APBA2: variants seen among roughly 807,000 people sequenced by gnomAD.
APBA2 encodes the protein amyloid-beta A4 precursor protein-binding family A member 2.
APBA2 carries 30 observed loss-of-function variants against 75.0 expected under a neutral mutation model. The ratio of observed to expected loss-of-function variants is 0.40; its 90% CI spans 0.30 to 0.54. The LOEUF (loss-of-function observed/expected upper bound fraction) is 0.54. Ranked by LOEUF, APBA2 falls within the 20% of genes least tolerant of loss-of-function variation. The pLI is 0.49. For missense variants in APBA2, 801 were observed against 1,016.1 expected, an observed-to-expected ratio of 0.79 and a Z score of 2.88; for synonymous variants, 444 against 409.6, an observed-to-expected ratio of 1.08 and a Z score of -1.01.
At chr15:29,113,814 G>A (rs1361058206) in intron 13 of APBA2, 62 bp from the exon 14 acceptor site, 2 of 1,591,350 alleles carry the variant, frequency 1.3e-6, no homozygotes, top group East Asian at 2.3e-5. Context: ...CTTTGGGGAC[G>A]TGGTGGAGCG....
chr15:29,047,947 C>T (rs1369905507), intron 3 of APBA2, among the ~76,000 whole-genome samples: 1 of 152,030 alleles, frequency 6.6e-6, no homozygotes, highest in Non-Finnish European at 1.5e-5. Context: ...GAGATGTCTA[C>T]AGCTATAAAG....
intron 3 of APBA2, among the ~76,000 whole-genome samples, chr15:29,052,275 G>A (rs2041630807): frequency 6.6e-6 from 1 of 151,908 alleles, no homozygotes; most frequent in African/African-American, 2.4e-5. Context: ...CTAACACGGT[G>A]AAACCCCGTC....
chr15:28,983,464 G>A (rs1595641950), intron 2 of APBA2, among the ~76,000 whole-genome samples: 1 of 152,166 alleles, frequency 6.6e-6, no homozygotes, highest in Admixed American at 6.5e-5. Flanking sequence ...TTTCTTTTCA[G>A]CATTTGCCAA....
chr15:28,986,667 A>G (rs984892803), intron 2 of APBA2, among the ~76,000 whole-genome samples: 8 of 152,094 alleles, frequency 5.3e-5, no homozygotes, highest in Admixed American at 6.6e-5. Context: ...GGGTTTCACC[A>G]TGTTGGCCAG....
At chr15:29,055,227 G>A (rs561837015) in intron 4 of APBA2, among the ~76,000 whole-genome samples, 19 of 152,178 alleles carry the variant, frequency 1.2e-4, no homozygotes, top group African/African-American at 4.1e-4. Context: ...TGGCAAAGAC[G>A]TGGGGGTGCT....
intron 2 of APBA2, among the ~76,000 whole-genome samples, chr15:28,989,346 A>T (rs1416570136): frequency 1.3e-5 from 2 of 152,064 alleles, no homozygotes; most frequent in Non-Finnish European, 2.9e-5. Context: ...GCAAAATGGG[A>T]TGATGGCTCC....
At chr15:29,113,542 G>A (rs954002053) in intron 13 of APBA2, among the ~76,000 whole-genome samples, 6 of 152,074 alleles carry the variant, frequency 3.9e-5, no homozygotes, top group Admixed American at 3.3e-4. Flanking sequence ...AGGCTGTGCC[G>A]TAGGAGGCCA....
intron 1 of APBA2, among the ~76,000 whole-genome samples, chr15:28,906,087 T>G (rs1483634107): frequency 2.0e-5 from 3 of 152,188 alleles, no homozygotes; most frequent in Non-Finnish European, 4.4e-5. Context: ...AAAGTATTTT[T>G]CAACAAAATG....
chr15:28,923,997 G>A (rs148258849), intron 2 of APBA2, among the ~76,000 whole-genome samples: 1 of 152,204 alleles, frequency 6.6e-6, no homozygotes, highest in Non-Finnish European at 1.5e-5. Flanking sequence ...ATGCAGAAAG[G>A]CTGTGACCCC....
At chr15:29,060,138 A>T (rs2042069446) in intron 4 of APBA2, among the ~76,000 whole-genome samples, 1 of 152,214 alleles carries the variant, frequency 6.6e-6, no homozygotes, top group Non-Finnish European at 1.5e-5. Flanking sequence ...TTGTGTTATC[A>T]TCAGGACCCT....
At chr15:29,101,423 GGTTTCAC>G (rs2044116832) in intron 9 of APBA2, among the ~76,000 whole-genome samples, 169 bp from the exon 10 acceptor site, 2 of 152,022 alleles carry the variant, frequency 1.3e-5, no homozygotes, top group South Asian at 4.2e-4. Flanking sequence ...GTAGAGATGG[GGTTTCAC>G]CATGTTTGCC....
chr15:29,007,995 G>A (rs2039212874), intron 3 of APBA2, among the ~76,000 whole-genome samples: 1 of 152,192 alleles, frequency 6.6e-6, no homozygotes, highest in African/African-American at 2.4e-5. Context: ...ATTGGCAGAT[G>A]AATGGATCAA....
rs768858056 is a variant in APBA2 at position 29,117,169 on chromosome 15, G to C, written c.*36G>C. ...CCTGGCCACGCAGCCAGGACACCGGGCAGGGCCGCCCGGGCCCAGAGGAGC... is the reference window on the plus strand; with the variant it reads ...CCTGGCCACGCAGCCAGGACACCGGCCAGGGCCGCCCGGGCCCAGAGGAGC... On this transcript the variant is annotated 3_prime_UTR_variant, in exon 15 of 15. Transcript: ENST00000683413. 2 of 1,605,830 alleles carry C rather than the reference G, an allele frequency of 1.2e-6. No homozygotes were observed. The highest frequency in any genetic ancestry group is 1.1e-5 in the South Asian group (1 of 90,944).
intron 2 of APBA2, among the ~76,000 whole-genome samples, chr15:28,964,806 A>T (rs1167098279): frequency 1.3e-5 from 2 of 151,224 alleles, no homozygotes; most frequent in Admixed American, 1.3e-4. Context: ...CTCATTTTCT[A>T]ATTAGATTTT....
intron 3 of APBA2, among the ~76,000 whole-genome samples, chr15:29,024,321 G>T (rs752881435): frequency 3.3e-5 from 5 of 152,180 alleles, no homozygotes; most frequent in Non-Finnish European, 5.9e-5. Context: ...CATAGTAACA[G>T]CATTCACAGT....
At chr15:29,008,118 T>C (rs185641756) in intron 3 of APBA2, among the ~76,000 whole-genome samples, 39 of 152,312 alleles carry the variant, frequency 2.6e-4, no homozygotes, top group Admixed American at 2.3e-3. Flanking sequence ...TTATGCTAAA[T>C]GAAGGAAGCC....
Position 29,088,449 on chromosome 15 carries a change from C to A in APBA2, c.1070-4626C>A, listed in dbSNP as rs185230981. Among the ~76,000 whole-genome samples, 1,117 of 152,302 alleles carry A rather than the reference C, an allele frequency of 7.3e-3. 11 individuals are homozygous for A. The highest frequency in any genetic ancestry group is 0.017 in the Admixed American group (257 of 15,302). ...AACCCAAGCTCAGTCCTCTTCCAGG[C>A]ACCCTTTCTCAGTGAGGGGCAGGTC... On this transcript the variant is annotated intron_variant, in intron 6 of 14. Transcript: ENST00000683413.
intron 1 of APBA2, among the ~76,000 whole-genome samples, chr15:28,909,699 C>A (rs1020094534): frequency 6.6e-6 from 1 of 152,180 alleles, no homozygotes; most frequent in African/African-American, 2.4e-5. Flanking sequence ...GGAGCAGGAG[C>A]CAGTTCCTGC....
At chr15:29,092,518 T>C (rs2043626395) in intron 6 of APBA2, among the ~76,000 whole-genome samples, 1 of 152,096 alleles carries the variant, frequency 6.6e-6, no homozygotes, top group Non-Finnish European at 1.5e-5. Context: ...GCAGGAAGTT[T>C]GTTGGGTCAC....
Sources: allele counts gnomAD v4.1 joint callset (sites outside exome capture counted in the v4.1 genomes callset), GRCh38; gene constraint gnomAD v4.1.1; transcripts MANE v1.5; gene names NCBI Gene and HGNC (gene_info 2026-07-23, HGNC 2026-07-21).